Variants in SIK3 observed in about 807,000 individuals in gnomAD.
The protein encoded by SIK3 is serine/threonine-protein kinase SIK3.
Under a neutral mutation model 144.2 loss-of-function variants are expected in SIK3, and 28 were observed. The observed-to-expected ratio is 0.19, with a 90% CI of 0.14 to 0.27. The LOEUF is 0.27. Among genes scored for constraint, SIK3 ranks in the 10% least tolerant of loss-of-function variants. The pLI, the probability that SIK3 is intolerant of heterozygous loss-of-function variation, is 1.00. For synonymous variants in SIK3, 686 were observed against 676.3 expected (o/e 1.01, Z -0.22); for missense variants, 1,319 against 1,776.0 (o/e 0.74, Z 4.62).
At chr11:117,018,116 A>T (rs954755982) in intron 1 of SIK3, among the ~76,000 whole-genome samples, 5 of 152,058 alleles carry the variant, frequency 3.3e-5, no homozygotes, top group African/African-American at 1.2e-4. Context: ...TTGGGGGGAA[A>T]CCCGCAGCTG....
At chr11:116,863,312 G>A (rs868449205) in intron 16 of SIK3, among the ~76,000 whole-genome samples, 2 of 152,256 alleles carry the variant, frequency 1.3e-5, no homozygotes, top group Middle Eastern at 3.4e-3. Flanking sequence ...GTGCAGGGGT[G>A]TGATCTTAGC....
intron 1 of SIK3, among the ~76,000 whole-genome samples, chr11:117,097,511 T>C: frequency 6.8e-6 from 1 of 146,358 alleles, no homozygotes; most frequent in East Asian, 2.2e-4. Flanking sequence ...ATTTCCCCAT[T>C]TTCCTCATTG....
At position 116,969,754 on chromosome 11, in the gene SIK3, C is replaced by T. The variant is rs1358450679; in HGVS notation, c.274-12690G>A. Among the ~76,000 whole-genome samples, 3 of 152,150 alleles carry T rather than the reference C, an allele frequency of 2.0e-5. No individual in the cohort carries two copies. In the East Asian group the frequency reaches 5.8e-4, roughly 29 times the overall value. On this transcript the variant is annotated intron_variant, in intron 1 of 24. Coordinates refer to ENST00000445177, the MANE Select transcript of SIK3 (RefSeq NM_001366686.3). Reference sequence around the variant, plus strand: ...ACAAAATCACACATAAACCCTAACACATAAGACAGAAAAAAGAGTATCCAT... The same window carrying T: ...ACAAAATCACACATAAACCCTAACATATAAGACAGAAAAAAGAGTATCCAT...
chr11:117,036,076 C>A (rs1565581113), intron 1 of SIK3: 2 of 891,598 alleles, frequency 2.2e-6, no homozygotes, highest in East Asian at 2.6e-5. Context: ...AGGTCATCAC[C>A]GCCGGAAAGG....
intron 1 of SIK3, among the ~76,000 whole-genome samples, chr11:116,986,504 G>T (rs1950330071): frequency 6.6e-6 from 1 of 152,076 alleles, no homozygotes; most frequent in African/African-American, 2.4e-5. Context: ...TAACCAACCT[G>T]AGCCCCCTAA....
At chr11:117,087,883 GAAAT>G (rs532270673) in intron 1 of SIK3, among the ~76,000 whole-genome samples, 186 of 152,178 alleles carry the variant, frequency 1.2e-3, no homozygotes, top group African/African-American at 4.2e-3. Flanking sequence ...TGAAAAACTA[GAAAT>G]AAAATTATAA....
chr11:116,988,249 G>A (rs528926737), intron 1 of SIK3, among the ~76,000 whole-genome samples: 23 of 152,084 alleles, frequency 1.5e-4, no homozygotes, highest in South Asian at 6.2e-4. Flanking sequence ...TAGCCGGCAC[G>A]GTGGCAGGCG....
chr11:116,991,531 C>G (rs1298382110), intron 1 of SIK3, among the ~76,000 whole-genome samples: 1 of 152,128 alleles, frequency 6.6e-6, no homozygotes, highest in Non-Finnish European at 1.5e-5. Flanking sequence ...TTTGAACACT[C>G]TAATAACTAA....
intron 4 of SIK3, among the ~76,000 whole-genome samples, chr11:116,900,919 C>T (rs1945704763): frequency 6.6e-6 from 1 of 151,040 alleles, no homozygotes. Context: ...GGCTGGAGTG[C>T]AGTGGTGCGA....
chr11:116,871,973 T>C (rs1943995202), intron 13 of SIK3, among the ~76,000 whole-genome samples: 1 of 151,826 alleles, frequency 6.6e-6, no homozygotes, highest in South Asian at 2.1e-4. Flanking sequence ...CATTCTGGGC[T>C]GGAGAATCAG....
At chr11:116,850,671 G>C (rs1244168331) in intron 21 of SIK3, among the ~76,000 whole-genome samples, 1 of 152,152 alleles carries the variant, frequency 6.6e-6, no homozygotes, top group Non-Finnish European at 1.5e-5. Context: ...TGAATCTTCA[G>C]TGTTCTAGAA....
intron 1 of SIK3, among the ~76,000 whole-genome samples, chr11:117,047,411 A>G (rs1230671148): frequency 6.6e-6 from 1 of 152,226 alleles, no homozygotes; most frequent in Non-Finnish European, 1.5e-5. Flanking sequence ...TCTGTTAATC[A>G]TAAGAAGGCA....
At chr11:116,929,609 TCA>T (rs1435669164) in intron 3 of SIK3, among the ~76,000 whole-genome samples, 1 of 152,202 alleles carries the variant, frequency 6.6e-6, no homozygotes, top group Non-Finnish European at 1.5e-5. Flanking sequence ...CAGTGACACA[TCA>T]GTTGTCCCTG....
At chr11:116,938,786 A>G (rs1264638362) in intron 3 of SIK3, among the ~76,000 whole-genome samples, 4 of 152,162 alleles carry the variant, frequency 2.6e-5, no homozygotes, top group Non-Finnish European at 5.9e-5. Flanking sequence ...AGCTCACATC[A>G]AAAGGACACA....
intron 4 of SIK3, among the ~76,000 whole-genome samples, chr11:116,925,020 C>T (rs557613594): frequency 1.3e-5 from 2 of 152,138 alleles, no homozygotes; most frequent in East Asian, 1.9e-4. Context: ...AGGACAGACA[C>T]GGTGGCTCCC....
intron 3 of SIK3, among the ~76,000 whole-genome samples, chr11:116,936,110 A>G (rs1947902131): frequency 6.6e-6 from 1 of 152,188 alleles, no homozygotes; most frequent in African/African-American, 2.4e-5. Flanking sequence ...TCCCATCTTT[A>G]TTTTTATAAT....
At chr11:116,977,034 CAT>C (rs995773267) in intron 1 of SIK3, among the ~76,000 whole-genome samples, 1 of 151,984 alleles carries the variant, frequency 6.6e-6, no homozygotes, top group African/African-American at 2.4e-5. Flanking sequence ...AAAAATCAAA[CAT>C]ATAAAATAGG....
chr11:116,962,350 C>G (rs1056128883), intron 1 of SIK3, among the ~76,000 whole-genome samples: 22 of 152,220 alleles, frequency 1.4e-4, no homozygotes, highest in African/African-American at 5.3e-4. Flanking sequence ...GATCTCCTTA[C>G]ACTGGTATGC....
At chr11:117,023,038 C>T (rs1948700363) in intron 1 of SIK3, among the ~76,000 whole-genome samples, 1 of 152,142 alleles carries the variant, frequency 6.6e-6, no homozygotes, top group African/African-American at 2.4e-5. Context: ...CAGGTTTAAC[C>T]ATTGGCAGAT....
Sources: gnomAD v4.1 joint callset for allele counts (sites outside exome capture counted in the v4.1 genomes callset) on GRCh38, gnomAD v4.1.1 for gene constraint, MANE v1.5 for transcripts, NCBI Gene and HGNC (gene_info 2026-07-23, HGNC 2026-07-21) for gene names.